Variants in GALNT13 observed in about 807,000 individuals in gnomAD.
GALNT13 encodes the protein UDP-GalNAc:polypeptide N-acetylgalactosaminyltransferase 13.
Under a neutral mutation model 64.2 loss-of-function variants are expected in GALNT13, and 28 were observed. The ratio of observed to expected loss-of-function variants is 0.44; its 90% confidence interval spans 0.32 to 0.60. The LOEUF is 0.60. GALNT13 is among the 20% of genes least tolerant of loss of function. The pLI is 0.05. For synonymous variants in GALNT13, 214 were observed against 224.6 expected, an observed-to-expected ratio of 0.95 and a Z score of 0.42; for missense variants, 577 against 669.8, an observed-to-expected ratio of 0.86 and a Z score of 1.53.
chr2:153,439,980 T>C, the GALNT13 span, among the ~76,000 whole-genome samples: 36,296 of 152,054 alleles, frequency 0.24, 4,509 homozygotes, highest in Non-Finnish European at 0.25. Flanking sequence ...TTTTAAAACA[T>C]ACTTTTAGTT....
chr2:153,573,370 A>G, the GALNT13 span, among the ~76,000 whole-genome samples: 1 of 151,924 alleles, frequency 6.6e-6, no homozygotes, highest in Non-Finnish European at 1.5e-5. Context: ...GTGACAGATC[A>G]ACAGGTCTTG....
At chr2:153,723,953 A>G in the GALNT13 span, among the ~76,000 whole-genome samples, 12 of 150,682 alleles carry the variant, frequency 8.0e-5, no homozygotes, top group Non-Finnish European at 1.3e-4. Flanking sequence ...GAAAAAAACT[A>G]CTTTAAAGTT....
At chr2:154,291,441 T>C (rs1332180997) in intron 8 of GALNT13, among the ~76,000 whole-genome samples, 1 of 152,182 alleles carries the variant, frequency 6.6e-6, no homozygotes, top group Non-Finnish European at 1.5e-5. Flanking sequence ...AGAAAAGTTC[T>C]CCAGGTCCCC....
chr2:154,248,406 G>A (rs1386770729), intron 7 of GALNT13, among the ~76,000 whole-genome samples: 1 of 151,866 alleles, frequency 6.6e-6, no homozygotes, highest in East Asian at 1.9e-4. Context: ...CCTTTAATCA[G>A]TAATATATAG....
chr2:153,548,945 C>T, the GALNT13 span, among the ~76,000 whole-genome samples: 1 of 152,150 alleles, frequency 6.6e-6, no homozygotes, highest in Non-Finnish European at 1.5e-5. Flanking sequence ...AAATAAAGTA[C>T]TTATACATGT....
the GALNT13 span, among the ~76,000 whole-genome samples, chr2:153,300,103 A>C: frequency 1.3e-5 from 2 of 152,200 alleles, no homozygotes; most frequent in Admixed American, 6.5e-5. Context: ...AATTACTGTT[A>C]CTGAGATTTT....
intron 3 of GALNT13, among the ~76,000 whole-genome samples, chr2:153,985,080 A>G (rs1179807155): frequency 1.3e-5 from 2 of 152,068 alleles, no homozygotes; most frequent in African/African-American, 2.4e-5. Flanking sequence ...TGTAAGATCA[A>G]CTACAACTAT....
At chr2:153,528,924 G>A in the GALNT13 span, among the ~76,000 whole-genome samples, 1 of 151,822 alleles carries the variant, frequency 6.6e-6, no homozygotes, top group Non-Finnish European at 1.5e-5. Context: ...AGCAAAAGCA[G>A]TACTCAGAGG....
chr2:153,378,508 C>T, the GALNT13 span, among the ~76,000 whole-genome samples: 1 of 151,952 alleles, frequency 6.6e-6, no homozygotes, highest in Non-Finnish European at 1.5e-5. Context: ...CAATCATGGC[C>T]AAGAAGTCAA....
chr2:153,102,476 A>C, the GALNT13 span, among the ~76,000 whole-genome samples: 4 of 152,184 alleles, frequency 2.6e-5, no homozygotes, highest in Non-Finnish European at 5.9e-5. Flanking sequence ...TCAGTTTAAA[A>C]AATTAAACTG....
the GALNT13 span, among the ~76,000 whole-genome samples, chr2:153,345,205 G>T: frequency 6.6e-6 from 1 of 152,114 alleles, no homozygotes; most frequent in Non-Finnish European, 1.5e-5. Context: ...TATAAATTGA[G>T]ATTATGAAAT....
At chr2:153,921,737 T>C (rs1174799756) in intron 2 of GALNT13, among the ~76,000 whole-genome samples, 2 of 152,060 alleles carry the variant, frequency 1.3e-5, no homozygotes, top group African/African-American at 4.8e-5. Flanking sequence ...GTTTTCTCCA[T>C]AGTAGAGGAA....
At chr2:153,687,319 G>A in the GALNT13 span, among the ~76,000 whole-genome samples, 1 of 151,554 alleles carries the variant, frequency 6.6e-6, no homozygotes, top group Admixed American at 6.6e-5. Flanking sequence ...CAGTTTCAGA[G>A]CTCGTTATTG....
chr2:154,270,531 A>G (rs1691297904), intron 8 of GALNT13, among the ~76,000 whole-genome samples: 1 of 151,908 alleles, frequency 6.6e-6, no homozygotes. Flanking sequence ...ATGAAAATTC[A>G]CAATTGAAAT....
intron 5 of GALNT13, 46 bp downstream of exon 5, chr2:154,242,242 T>C: frequency 6.4e-7 from 1 of 1,560,102 alleles, no homozygotes; most frequent in Non-Finnish European, 8.8e-7. Flanking sequence ...TTGTTTTGTT[T>C]TGTTTTGTTT....
chr2:153,869,655 G>T (rs566720618), upstream of GALNT13, among the ~76,000 whole-genome samples: 1 of 152,018 alleles, frequency 6.6e-6, no homozygotes, highest in African/African-American at 2.4e-5. Flanking sequence ...TTGGTCAGTT[G>T]GTTAAGGTGA....
At chr2:153,838,856 T>G in the GALNT13 span, among the ~76,000 whole-genome samples, 4 of 151,936 alleles carry the variant, frequency 2.6e-5, no homozygotes, top group South Asian at 2.1e-4. Flanking sequence ...GAATTGAATC[T>G]TTAGACAACT....
At chr2:153,774,901 TCCTGTCTC>T in the GALNT13 span, among the ~76,000 whole-genome samples, 1 of 152,124 alleles carries the variant, frequency 6.6e-6, no homozygotes, top group Non-Finnish European at 1.5e-5. Context: ...CAGAATGAGA[TCCTGTCTC>T]TACAAATTAA....
intron 9 of GALNT13, among the ~76,000 whole-genome samples, chr2:154,381,033 A>G (rs1698245566): frequency 6.6e-6 from 1 of 152,010 alleles, no homozygotes; most frequent in East Asian, 1.9e-4. Flanking sequence ...ATGTAATATA[A>G]TCATCAAAGT....
Sources: allele counts gnomAD v4.1 joint callset (sites outside exome capture counted in the v4.1 genomes callset), GRCh38; gene constraint gnomAD v4.1.1; transcripts MANE v1.5; gene names NCBI Gene and HGNC (gene_info 2026-07-23, HGNC 2026-07-21).